The following XKRX variants were observed in gnomAD, a reference collection of about 807,000 sequenced individuals.
The protein encoded by XKRX is XK-related protein 2.
In XKRX, 11 loss-of-function variants were observed where a neutral mutation model predicts 22.4. That is an observed-to-expected ratio of 0.49 (90% confidence interval 0.31 to 0.81). The LOEUF (loss-of-function observed/expected upper bound fraction) is 0.81, where lower values mean the gene tolerates loss of function less well. XKRX is among the 40% of genes least tolerant of loss of function. XKRX has a pLI of 0.05. For synonymous variants in XKRX, 114 were observed against 132.2 expected (o/e 0.86, Z 0.94); for missense variants, 320 against 336.5 (o/e 0.95, Z 0.38).
chrX:100,901,108 C>T, the XKRX span, among the ~76,000 whole-genome samples: 2 of 111,197 alleles, frequency 1.8e-5, no homozygotes, highest in Non-Finnish European at 3.8e-5. Context: ...CCATTTTTAA[C>T]GAGCTCCTTA....
intron 2 of XKRX, among the ~76,000 whole-genome samples, chrX:100,922,027 T>G (rs1392999918): frequency 1.2e-4 from 13 of 107,654 alleles, no homozygotes; most frequent in Non-Finnish European, 2.5e-4. Context: ...TACAGACGGG[T>G]TTTCATCATG....
chrX:100,930,202 A>G (rs1390037054), upstream of XKRX, among the ~76,000 whole-genome samples: 3 of 108,678 alleles, frequency 2.8e-5, no homozygotes, highest in African/African-American at 6.7e-5. Flanking sequence ...GGCAGGAGAA[A>G]AACTTGAACC....
At chrX:100,926,175 T>C (rs1249756030) in intron 1 of XKRX, among the ~76,000 whole-genome samples, 1 of 111,987 alleles carries the variant, frequency 8.9e-6, no homozygotes, top group African/African-American at 3.2e-5. Flanking sequence ...GATACCTGCC[T>C]GGTCCCTGCA....
At position 100,914,454 on chromosome X, in the gene XKRX, A is replaced by G. The variant is rs1176650796; in HGVS notation, c.1234T>C (p.Phe412Leu). 1.6e-6 allele frequency: 2 copies of G among 1,212,223 alleles called. No homozygotes were observed. The highest frequency in any genetic ancestry group is 1.8e-5 in the South Asian group (1 of 57,012). ...FQYLHPLRSL[F>L]THNVVDYLHC... ...AGGTAGTCTACTACATTATGGGTGA[A>G]GAGTGAGCGCAATGGATGCAAGTAC... Residue 412 changes from phenylalanine (F) to leucine (L), a missense_variant, in exon 3 of 3, where the codon TTC (phenylalanine) becomes CTC (leucine). By Grantham distance (22) the Phe-to-Leu change is conservative (BLOSUM62 0). Transcript: ENST00000372956.
At chrX:100,956,245 G>A in the XKRX span, among the ~76,000 whole-genome samples, 4 of 111,576 alleles carry the variant, frequency 3.6e-5, no homozygotes, top group African/African-American at 1.3e-4. Context: ...AATAGCTAAC[G>A]CATGCTGGGC....
downstream of XKRX, chrX:100,911,252 C>G: frequency 9.4e-7 from 1 of 1,061,184 alleles, no homozygotes; most frequent in Non-Finnish European, 1.3e-6. Flanking sequence ...CAAGAAAGCC[C>G]ATGTAACACA....
downstream of XKRX, chrX:100,911,131 AAAG>A (rs1314596941): frequency 1.0e-5 from 6 of 575,466 alleles, no homozygotes; most frequent in African/African-American, 1.1e-4. Context: ...CAGGAAAGAG[AAAG>A]AAGAAGGCAT....
chrX:100,952,079 A>AAAT, the XKRX span, among the ~76,000 whole-genome samples: 5 of 110,061 alleles, frequency 4.5e-5, no homozygotes, highest in East Asian at 5.6e-4. Flanking sequence ...AAGACAGTAC[A>AAAT]AATAATAATA....
At chrX:100,898,022 G>C in the XKRX span, among the ~76,000 whole-genome samples, 1 of 111,530 alleles carries the variant, frequency 9.0e-6, no homozygotes, top group East Asian at 2.8e-4. Flanking sequence ...ATTAAAAGCC[G>C]AGGTCACTAA....
At chrX:100,957,063 G>A in the XKRX span, 4 of 1,131,769 alleles carry the variant, frequency 3.5e-6, no homozygotes, top group Non-Finnish European at 3.6e-6. Flanking sequence ...GTTAAATGCT[G>A]AGCCTGGTAA....
At chrX:100,888,428 C>T in the XKRX span, 1 of 993,785 alleles carries the variant, frequency 1.0e-6, no homozygotes, top group Non-Finnish European at 1.4e-6. Flanking sequence ...CCCAAAGCCC[C>T]TGGAGCGCTT....
chrX:100,950,592 A>G, the XKRX span, among the ~76,000 whole-genome samples: 1 of 112,397 alleles, frequency 8.9e-6, no homozygotes, highest in African/African-American at 3.2e-5. Flanking sequence ...ATGTTCTTTT[A>G]AAGAGCACAT....
chrX:100,888,477 T>C, the XKRX span: 4 of 941,990 alleles, frequency 4.2e-6, no homozygotes, highest in South Asian at 8.0e-5. Context: ...TCTGTGAGCA[T>C]TCCCCATCGC....
At chrX:100,918,565 G>A (rs921022206) in intron 2 of XKRX, among the ~76,000 whole-genome samples, 9 of 111,876 alleles carry the variant, frequency 8.0e-5, no homozygotes, top group African/African-American at 2.9e-4. Context: ...ACAGGCTCTG[G>A]AGGCAAACAC....
chrX:100,948,236 T>G, the XKRX span, among the ~76,000 whole-genome samples: 4 of 111,388 alleles, frequency 3.6e-5, no homozygotes, highest in African/African-American at 9.8e-5. Context: ...TGACAATAAA[T>G]GCACTAAACA....
the XKRX span, among the ~76,000 whole-genome samples, chrX:100,956,066 TGGA>T: frequency 4.4e-3 from 489 of 111,652 alleles, 3 homozygotes; most frequent in Non-Finnish European, 7.5e-3. Context: ...AGGACATGGA[TGGA>T]GTTGGAAGGC....
chrX:100,954,247 C>G, the XKRX span, among the ~76,000 whole-genome samples: 41 of 110,728 alleles, frequency 3.7e-4, no homozygotes, highest in African/African-American at 1.3e-3. Context: ...GGTGAAACCC[C>G]ATCTCTACTA....
At chrX:100,897,251 G>A in the XKRX span, among the ~76,000 whole-genome samples, 1 of 110,892 alleles carries the variant, frequency 9.0e-6, no homozygotes, top group African/African-American at 3.3e-5. Flanking sequence ...ATTTGAATTG[G>A]AAATAGCTTT....
chrX:100,909,326 T>C (rs1033055750), downstream of XKRX, among the ~76,000 whole-genome samples: 1 of 111,687 alleles, frequency 9.0e-6, no homozygotes. Flanking sequence ...TAAGGAGTGT[T>C]TAAGGGGAAA....
Sources: gnomAD v4.1 joint callset for allele counts (sites outside exome capture counted in the v4.1 genomes callset) on GRCh38, gnomAD v4.1.1 for gene constraint, MANE v1.5 for transcripts, NCBI Gene and HGNC (gene_info 2026-07-23, HGNC 2026-07-21) for gene names.